The following ANK2 variants were observed in gnomAD, a reference collection of about 807,000 sequenced individuals.
The protein encoded by ANK2 is ankyrin-2.
In ANK2, 83 loss-of-function variants were observed where a neutral mutation model predicts 360.5. The ratio of observed to expected loss-of-function variants is 0.23; its 90% CI spans 0.19 to 0.28. The LOEUF (loss-of-function observed/expected upper bound fraction) is 0.28. ANK2 is among the 10% of genes least tolerant of loss of function. The probability of loss-of-function intolerance (pLI) is 1.00; values close to 1 mark genes in which losing one functional copy is unlikely to be tolerated. For missense variants in ANK2, 4,201 were observed against 4,795.7 expected, an observed-to-expected ratio of 0.88 and a Z score of 3.66; for synonymous variants, 1,740 against 1,759.5, an observed-to-expected ratio of 0.99 and a Z score of 0.28.
intron 1 of ANK2, among the ~76,000 whole-genome samples, chr4:113,125,931 G>T (rs1395108): frequency 0.46 from 69,969 of 151,948 alleles, 16,995 homozygotes; most frequent in Non-Finnish European, 0.55. Context: ...GTGTTACCTG[G>T]GAGATGAAAT....
chr4:112,904,322 G>A (rs753462184), intron 1 of ANK2: 1 of 483,358 alleles, frequency 2.1e-6, no homozygotes, highest in Non-Finnish European at 3.6e-6. Context: ...ATTTATAATA[G>A]TGGCTTTTTA....
chr4:112,958,014 G>A (rs1427817363), intron 2 of ANK2, among the ~76,000 whole-genome samples: 1 of 151,582 alleles, frequency 6.6e-6, no homozygotes, highest in Non-Finnish European at 1.5e-5. Context: ...GGGCAGAGAC[G>A]CTCCTCACTT....
At chr4:113,244,202 A>C (rs1415273506) in intron 9 of ANK2, among the ~76,000 whole-genome samples, 1 of 152,150 alleles carries the variant, frequency 6.6e-6, no homozygotes, top group Non-Finnish European at 1.5e-5. Flanking sequence ...TTCTAACTGT[A>C]TACATTGTAT....
At chr4:112,743,663 C>T in the ANK2 span, among the ~76,000 whole-genome samples, 2 of 151,432 alleles carry the variant, frequency 1.3e-5, no homozygotes, top group Admixed American at 6.6e-5. Flanking sequence ...CTGCCTCAGC[C>T]TCCCAAGTAG....
At chr4:113,326,623 T>A in intron 26 of ANK2, among the ~76,000 whole-genome samples, 1 of 152,218 alleles carries the variant, frequency 6.6e-6, no homozygotes, top group Non-Finnish European at 1.5e-5. Flanking sequence ...AAAGAAAATT[T>A]CCTCACTACA....
intron 1 of ANK2, among the ~76,000 whole-genome samples, chr4:113,173,401 A>G (rs2098067072): frequency 6.6e-6 from 1 of 152,306 alleles, no homozygotes; most frequent in East Asian, 1.9e-4. Context: ...TGTTTGATTA[A>G]GAGTCATCAA....
At position 113,285,307 on chromosome 4, in the gene ANK2, ACTGT is replaced by A. The variant is rs543744298; in HGVS notation, c.2080-2295_2080-2292del. Among the ~76,000 whole-genome samples the A allele has an allele frequency of 6.6e-4, 100 of 152,188 alleles. 1 individual carries two copies. The highest frequency in any genetic ancestry group is 6.2e-3 in the South Asian group (30 of 4,814). On this transcript the variant is annotated intron_variant, in intron 18 of 45. Transcript: ENST00000357077. ...TGGTGTCCTCCAATTCAGTTCTAACACTGTCTATCTGGAGAGAGTGTTAGATCCC... is the reference window on the plus strand; with the variant it reads ...TGGTGTCCTCCAATTCAGTTCTAACACTATCTGGAGAGAGTGTTAGATCCC...
chr4:112,728,001 A>C, the ANK2 span, among the ~76,000 whole-genome samples: 11 of 151,540 alleles, frequency 7.3e-5, no homozygotes, highest in Non-Finnish European at 1.5e-5. Flanking sequence ...AAGAAAAAAA[A>C]TACAAAGAAT....
intron 2 of ANK2, among the ~76,000 whole-genome samples, chr4:113,042,437 G>A (rs181991747): frequency 2.0e-5 from 3 of 152,154 alleles, no homozygotes; most frequent in South Asian, 2.1e-4. Context: ...TCTATTTATC[G>A]CTATATATCC....
chr4:112,940,186 A>G (rs1321841022), intron 2 of ANK2, among the ~76,000 whole-genome samples: 1 of 152,198 alleles, frequency 6.6e-6, no homozygotes, highest in Non-Finnish European at 1.5e-5. Flanking sequence ...AACAAGAAAA[A>G]CACAATTACA....
chr4:113,151,356 C>T (rs1287174002), intron 1 of ANK2: 5 of 315,906 alleles, frequency 1.6e-5, no homozygotes, highest in Middle Eastern at 1.2e-3. Context: ...AAGCATTGCA[C>T]CAGCATCTGC....
intron 2 of ANK2, among the ~76,000 whole-genome samples, chr4:112,956,710 G>A (rs1002356197): frequency 6.6e-6 from 1 of 152,092 alleles, no homozygotes; most frequent in African/African-American, 2.4e-5. Context: ...ATTGATTGAT[G>A]GTAATAAATC....
At chr4:112,749,890 C>T in the ANK2 span, among the ~76,000 whole-genome samples, 74 of 152,010 alleles carry the variant, frequency 4.9e-4, no homozygotes, top group African/African-American at 1.2e-3. Context: ...AGATTACAGG[C>T]GCCCACCACC....
chr4:112,725,480 C>T, the ANK2 span, among the ~76,000 whole-genome samples: 3 of 149,978 alleles, frequency 2.0e-5, no homozygotes, highest in Non-Finnish European at 4.4e-5. Context: ...CCTGCCTCAG[C>T]CTCCCGAGTA....
intron 2 of ANK2, among the ~76,000 whole-genome samples, chr4:113,190,188 G>C (rs968931191): frequency 6.6e-6 from 1 of 151,808 alleles, no homozygotes; most frequent in Non-Finnish European, 1.5e-5. Context: ...GAGGCAAGGG[G>C]TTTGCTCTGT....
Position 113,097,908 on chromosome 4 carries a change from A to ATG in ANK2, c.84+48098_84+48099dup, listed in dbSNP as rs539758317. ...CACACACACGCACACACACATATAT[A>ATG]TGTATATATACACACACACACAAAT... is the stretch of plus-strand genomic sequence containing the variant. On this transcript the variant is annotated intron_variant, in intron 1 of 45. Coordinates refer to ENST00000357077, the MANE Select transcript of ANK2 (RefSeq NM_001148.6). Among the ~76,000 whole-genome samples the ATG allele has an allele frequency of 5.6e-3, 684 of 121,174 alleles. 21 individuals carry two copies. The East Asian group carries it at 0.066, about 12-fold the overall frequency. The allele number at this position is 121,174 out of a possible 152,430, so 79.5% of individuals were successfully genotyped here.
chr4:112,773,294 A>G, the ANK2 span, among the ~76,000 whole-genome samples: 1 of 152,146 alleles, frequency 6.6e-6, no homozygotes, highest in Non-Finnish European at 1.5e-5. Context: ...TCCAGCCTGG[A>G]TGACGGAGTG....
intron 35 of ANK2, 162 bp from the exon 36 acceptor site, chr4:113,348,114 C>A: frequency 1.5e-6 from 1 of 684,634 alleles, no homozygotes; most frequent in Non-Finnish European, 2.6e-6. Context: ...TTCTGCCTGT[C>A]TTCTATAAAC....
intron 26 of ANK2, among the ~76,000 whole-genome samples, chr4:113,327,167 A>G (rs754999902): frequency 2.0e-5 from 3 of 152,136 alleles, no homozygotes; most frequent in African/African-American, 4.8e-5. Context: ...CAGGCTTTAA[A>G]GTGCTATTAT....
Sources: gnomAD v4.1 joint callset for allele counts (sites outside exome capture counted in the v4.1 genomes callset) on GRCh38, gnomAD v4.1.1 for gene constraint, MANE v1.5 for transcripts, NCBI Gene and HGNC (gene_info 2026-07-23, HGNC 2026-07-21) for gene names.